Variants in ZNF680 observed in about 807,000 individuals in gnomAD.
The protein encoded by ZNF680 is hypothetical protein FLJ90430.
ZNF680 carries 6 observed loss-of-function variants against 12.1 expected under a neutral mutation model. The ratio of observed to expected loss-of-function variants is 0.49; its 90% confidence interval spans 0.27 to 0.98. The LOEUF (loss-of-function observed/expected upper bound fraction) is 0.98, where lower values mean the gene tolerates loss of function less well. Ranked by LOEUF, ZNF680 falls within the 50% of genes least tolerant of loss-of-function variation. ZNF680 has a pLI of 0.12. For missense variants in ZNF680, 561 were observed against 616.3 expected, an observed-to-expected ratio of 0.91 and a Z score of 0.95; for synonymous variants, 170 against 199.3, an observed-to-expected ratio of 0.85 and a Z score of 1.24.
At chr7:64,558,127 C>T (rs1007367915) in intron 1 of ZNF680, among the ~76,000 whole-genome samples, 1 of 152,018 alleles carries the variant, frequency 6.6e-6, no homozygotes, top group African/African-American at 2.4e-5. Context: ...TTTCTGTGTC[C>T]GGGCAGGCAG....
intron 1 of ZNF680, among the ~76,000 whole-genome samples, chr7:64,550,046 A>G (rs1412553641): frequency 6.6e-6 from 1 of 152,238 alleles, no homozygotes; most frequent in Non-Finnish European, 1.5e-5. Context: ...ATTTGGGTCA[A>G]GCTTGAGGAT....
chr7:64,522,329 A>G lies in ZNF680; in HGVS notation c.425T>C (p.Leu142Pro), dbSNP rs758872230. The change falls in exon 4 of 4, where the codon CTT becomes CCT. Residue 142 changes from leucine to proline, a missense_variant. Transcript: ENST00000309683. ...SKVFKEGYNELNQCLRTTQSK... is the reference protein window; with the variant it reads ...SKVFKEGYNEPNQCLRTTQSK... ...CTGGGTAGTTCTCAAACATTGGTTA[A>G]GTTCATTATAACCTTCTTTGAACAC... 1 of 1,612,974 alleles carries G rather than the reference A, an allele frequency of 6.2e-7. No individual in the cohort carries two copies.
In ZNF680 at chr7:64,543,655, T is replaced by C. The variant is rs1786623010; in HGVS notation, c.253+52A>G. 4 of 1,459,838 alleles carry C rather than the reference T, an allele frequency of 2.7e-6. No individual in the cohort carries two copies. The South Asian group carries it at 4.7e-5, about 17-fold the overall frequency. 90.4% of individuals were successfully genotyped at this position (1,459,838 alleles called of 1,614,324 possible). A position where few individuals can be genotyped will look rare whatever the true frequency, so the allele number is the denominator to read the frequency against. ...TCAAGAACTGACTTTCTCTTTGACA[T>C]CTGGACCTCTCATCTGTGTCATCTG... On this transcript the variant is annotated intron_variant, in intron 3 of 3. Transcript: ENST00000309683.
chr7:64,523,402 A>G (rs546822757), intron 3 of ZNF680, among the ~76,000 whole-genome samples: 1 of 152,164 alleles, frequency 6.6e-6, no homozygotes, highest in East Asian at 1.9e-4. Context: ...ATAGATATAC[A>G]AAAGAAAATA....
At chr7:64,501,419 T>C in the ZNF680 span, 2 of 1,079,348 alleles carry the variant, frequency 1.9e-6, no homozygotes, top group Non-Finnish European at 2.8e-6. Context: ...AAGAAGGAAC[T>C]GACCCAGATA....
In ZNF680 at chr7:64,522,178, G is replaced by A. The variant is rs772792138; in HGVS notation, c.576C>T (p.Cys192=). The change falls in exon 4 of 4, where the codon TGC becomes TGT. Residue 192 remains cysteine, a synonymous_variant. Coordinates refer to ENST00000309683, the MANE Select transcript of ZNF680 (RefSeq NM_178558.5). ...TATGTTGTGTTAGATGTGAAAGCAT[G>A]CAAAATGATTTGCCACATTCTTTAC... ...FKCKECGKSF[C]MLSHLTQHIR... The A allele has an allele frequency of 1.2e-6, 2 of 1,612,920 alleles. No individual in the cohort carries two copies. Among genetic ancestry groups the A allele is most frequent in the East Asian group, 4.5e-5 (2 of 44,808 alleles).
At chr7:64,500,529 C>T in the ZNF680 span, among the ~76,000 whole-genome samples, 1 of 152,054 alleles carries the variant, frequency 6.6e-6, no homozygotes, top group Non-Finnish European at 1.5e-5. Context: ...CTAAATAAGA[C>T]GGCACAGAAA....
intron 3 of ZNF680, chr7:64,525,709 TAA>T (rs1308155842): frequency 1.2e-6 from 1 of 826,486 alleles, no homozygotes; most frequent in Non-Finnish European, 1.5e-6. Context: ...TAGACATACC[TAA>T]AAGAGATTAT....
At chr7:64,511,604 A>C in the ZNF680 span, among the ~76,000 whole-genome samples, 4 of 148,310 alleles carry the variant, frequency 2.7e-5, no homozygotes, top group South Asian at 2.1e-4. Flanking sequence ...ACAAAAAAAA[A>C]CCTTGCCCTT....
intron 1 of ZNF680, among the ~76,000 whole-genome samples, chr7:64,551,005 T>C (rs1787046818): frequency 6.6e-6 from 1 of 152,160 alleles, no homozygotes; most frequent in East Asian, 1.9e-4. Flanking sequence ...AACCAGAATT[T>C]GACATGCATC....
intron 1 of ZNF680, among the ~76,000 whole-genome samples, chr7:64,547,694 T>A (rs1412102598): frequency 3.3e-5 from 5 of 152,238 alleles, no homozygotes; most frequent in African/African-American, 1.2e-4. Flanking sequence ...CAGAAAAGCT[T>A]AATGTAATTT....
At chr7:64,539,804 T>C (rs1584379451) in intron 3 of ZNF680, among the ~76,000 whole-genome samples, 1 of 152,062 alleles carries the variant, frequency 6.6e-6, no homozygotes, top group Non-Finnish European at 1.5e-5. Flanking sequence ...CACACCACCA[T>C]GCCTGTCTTT....
the ZNF680 span, among the ~76,000 whole-genome samples, chr7:64,506,888 T>C: frequency 0.32 from 48,490 of 152,042 alleles, 8,797 homozygotes; most frequent in African/African-American, 0.48. Context: ...TGTTATTAAG[T>C]TACTGTGAGA....
chr7:64,549,127 G>GAAAAAAAAAAAAAAAAAAAAAAAA (rs1156794322), intron 1 of ZNF680, among the ~76,000 whole-genome samples: 1 of 94,226 alleles, frequency 1.1e-5, no homozygotes. Flanking sequence ...CTCAAAAAAA[G>GAAAAAAAAAAAAAAAAAAAAAAAA]AAAAAAAAAA....
chr7:64,516,154 G>A (rs112024264), downstream of ZNF680, among the ~76,000 whole-genome samples: 2,901 of 152,224 alleles, frequency 0.019, 37 homozygotes, highest in Non-Finnish European at 0.03. Context: ...CTCTCTGCTA[G>A]CAAAAAGCTT....
chr7:64,530,874 AAATAAT>A (rs368369052), intron 3 of ZNF680, among the ~76,000 whole-genome samples: 9,955 of 147,384 alleles, frequency 0.068, 477 homozygotes, highest in Admixed American at 0.11. Context: ...AAAAATTTAA[AAATAAT>A]AATAATAATA....
chr7:64,519,652 C>G (rs117635725), downstream of ZNF680, among the ~76,000 whole-genome samples: 41 of 151,858 alleles, frequency 2.7e-4, no homozygotes, highest in East Asian at 7.7e-3. Flanking sequence ...GTTCTTTTCT[C>G]TTACTCTTGC....
chr7:64,510,508 C>A, the ZNF680 span, among the ~76,000 whole-genome samples: 1 of 151,998 alleles, frequency 6.6e-6, no homozygotes, highest in Non-Finnish European at 1.5e-5. Flanking sequence ...TTTGCTCAGC[C>A]TCAATTTAAA....
chr7:64,562,883 C>A (rs895621234), intron 1 of ZNF680, 42 bp downstream of exon 1: 3 of 1,612,530 alleles, frequency 1.9e-6, no homozygotes, highest in East Asian at 4.5e-5. Flanking sequence ...CGGTTCCAAC[C>A]AGCCCCTCCC....
Sources: allele counts gnomAD v4.1 joint callset (sites outside exome capture counted in the v4.1 genomes callset), GRCh38; gene constraint gnomAD v4.1.1; transcripts MANE v1.5; gene names NCBI Gene and HGNC (gene_info 2026-07-23, HGNC 2026-07-21).